SIPA1L1: variants seen among roughly 807,000 people sequenced by gnomAD.
SIPA1L1 encodes the protein signal induced proliferation associated 1 like 1, also known as signal-induced proliferation-associated 1-like protein 1.
In SIPA1L1, 26 loss-of-function variants were observed where a neutral mutation model predicts 162.7. The observed-to-expected ratio is 0.16, with a 90% confidence interval of 0.12 to 0.22. The LOEUF (loss-of-function observed/expected upper bound fraction) is 0.22, where lower values mean the gene tolerates loss of function less well. Among genes scored for constraint, SIPA1L1 ranks in the 10% least tolerant of loss-of-function variants. The pLI, the probability that SIPA1L1 is intolerant of heterozygous loss-of-function variation, is 1.00. For missense variants in SIPA1L1, 1,874 were observed against 2,241.0 expected (o/e 0.84, Z 3.31); for synonymous variants, 829 against 837.4 (o/e 0.99, Z 0.17).
intron 17 of SIPA1L1, among the ~76,000 whole-genome samples, chr14:71,710,069 T>G (rs2082747687): frequency 6.6e-6 from 1 of 152,184 alleles, no homozygotes; most frequent in Non-Finnish European, 1.5e-5. Flanking sequence ...CTTTTCTGAG[T>G]AACAGAGCAT....
At chr14:71,655,321 G>T (rs200679326) in intron 8 of SIPA1L1, among the ~76,000 whole-genome samples, 1 of 152,148 alleles carries the variant, frequency 6.6e-6, no homozygotes, top group Admixed American at 6.5e-5. Context: ...TTATGGCTGC[G>T]TACCATTCCA....
At chr14:71,381,418 A>G (rs192970553) in intron 2 of SIPA1L1, among the ~76,000 whole-genome samples, 13 of 152,324 alleles carry the variant, frequency 8.5e-5, no homozygotes, top group Admixed American at 8.5e-4. Flanking sequence ...TATATTTGAA[A>G]GAAGCTAGAT....
intron 2 of SIPA1L1, among the ~76,000 whole-genome samples, chr14:71,444,526 G>C (rs2045194268): frequency 6.6e-6 from 1 of 152,174 alleles, no homozygotes; most frequent in Non-Finnish European, 1.5e-5. Flanking sequence ...CAATGCCTGA[G>C]ACCATTTCCT....
chr14:71,656,935 C>T (rs117793384), intron 8 of SIPA1L1, among the ~76,000 whole-genome samples: 210 of 152,352 alleles, frequency 1.4e-3, no homozygotes, highest in Non-Finnish European at 2.5e-3. Flanking sequence ...CTTAATTTAG[C>T]TCCACAGCTG....
chr14:71,488,383 T>C (rs764047357), intron 2 of SIPA1L1, among the ~76,000 whole-genome samples: 2 of 152,224 alleles, frequency 1.3e-5, no homozygotes, highest in Non-Finnish European at 2.9e-5. Context: ...AATTTCACTC[T>C]GTCCTGGAAG....
chr14:71,474,904 T>C (rs1166114857), intron 2 of SIPA1L1, among the ~76,000 whole-genome samples: 2 of 152,236 alleles, frequency 1.3e-5, no homozygotes, highest in East Asian at 3.9e-4. Context: ...AATGAATGAG[T>C]TTTCTTAAGA....
intron 7 of SIPA1L1, among the ~76,000 whole-genome samples, chr14:71,627,837 T>G (rs2040187478): frequency 6.6e-6 from 1 of 152,244 alleles, no homozygotes; most frequent in Non-Finnish European, 1.5e-5. Context: ...TAAATTTGCA[T>G]AATACAGCTC....
rs570368064 is a variant in SIPA1L1 at position 71,542,311 on chromosome 14, CTCCTCTTCCTCCTCT to C, written c.-303+12956_-303+12970del. Among the ~76,000 whole-genome samples the C allele has an allele frequency of 6.0e-3, 893 of 149,962 alleles. 9 individuals are homozygous for C. Among genetic ancestry groups the C allele is most frequent in the African/African-American group, 0.02 (829 of 40,746 alleles). ...TCTTCCTCTTCTCCTCTTCCTCCTC[CTCCTCTTCCTCCTCT>C]TCCTCTTCCTCCTCCTCCTTCTTTC... On this transcript the variant is annotated intron_variant, in intron 4 of 23. Coordinates refer to ENST00000381232, the MANE Select transcript of SIPA1L1 (RefSeq NM_001386936.1).
intron 2 of SIPA1L1, among the ~76,000 whole-genome samples, chr14:71,507,838 A>G (rs1011119658): frequency 1.3e-5 from 2 of 152,160 alleles, no homozygotes; most frequent in Non-Finnish European, 2.9e-5. Flanking sequence ...TACCAGCCAG[A>G]GGTCTGTGTT....
intron 2 of SIPA1L1, among the ~76,000 whole-genome samples, chr14:71,473,329 C>A (rs867982421): frequency 1.2e-4 from 18 of 151,844 alleles, no homozygotes; most frequent in Non-Finnish European, 2.5e-4. Context: ...TACTTTTAAT[C>A]TTCATAATCA....
rs558261741 is a variant in SIPA1L1, at chr14:71,367,444, C to G, written c.-465+46263C>G. Reference sequence around the variant, plus strand: ...GCCTCAGCCTCTCTAGTAGCTGGGACTACAGGCGCCCGCCACCGCGCCCGG... The same window carrying G: ...GCCTCAGCCTCTCTAGTAGCTGGGAGTACAGGCGCCCGCCACCGCGCCCGG... On this transcript the variant is annotated intron_variant, in intron 2 of 23. Transcript: ENST00000381232. Among the ~76,000 whole-genome samples, 15 of 149,926 alleles carry G rather than the reference C, an allele frequency of 1.0e-4. No individual in the cohort carries two copies. The East Asian group carries it at 3.0e-3, about 30-fold the overall frequency.
intron 3 of SIPA1L1, among the ~76,000 whole-genome samples, chr14:71,521,392 TA>T (rs903117968): frequency 2.6e-5 from 4 of 152,174 alleles, no homozygotes; most frequent in African/African-American, 9.6e-5. Context: ...GCAGTGGTAA[TA>T]AACTAGGCCT....
At chr14:71,370,996 AATGAATTTAATAAT>A (rs1385896553) in intron 2 of SIPA1L1, among the ~76,000 whole-genome samples, 6 of 152,300 alleles carry the variant, frequency 3.9e-5, no homozygotes, top group South Asian at 2.1e-4. Context: ...GCAAATACTA[AATGAATTTAATAAT>A]AAGAGTGGTA....
intron 4 of SIPA1L1, among the ~76,000 whole-genome samples, chr14:71,544,794 G>T (rs1219400945): frequency 6.6e-6 from 1 of 151,988 alleles, no homozygotes; most frequent in Non-Finnish European, 1.5e-5. Context: ...TGTTCCACTG[G>T]TCTCTTTGTT....
chr14:71,499,303 A>G (rs2050018785), intron 2 of SIPA1L1, among the ~76,000 whole-genome samples: 1 of 152,174 alleles, frequency 6.6e-6, no homozygotes, highest in Non-Finnish European at 1.5e-5. Flanking sequence ...TGATCGTGTC[A>G]CTGCATTCCA....
intron 7 of SIPA1L1, among the ~76,000 whole-genome samples, chr14:71,637,917 A>G (rs952624885): frequency 1.3e-5 from 2 of 152,196 alleles, no homozygotes; most frequent in Non-Finnish European, 2.9e-5. Flanking sequence ...AATAGCAACA[A>G]TGTATTAAAG....
chr14:71,549,873 A>G (rs2055628362), intron 4 of SIPA1L1, among the ~76,000 whole-genome samples: 1 of 152,088 alleles, frequency 6.6e-6, no homozygotes, highest in Non-Finnish European at 1.5e-5. Context: ...TAATTAGAAA[A>G]GTGGGGAAGT....
chr14:71,712,373 T>C (rs1376560140), intron 17 of SIPA1L1, among the ~76,000 whole-genome samples: 1 of 152,202 alleles, frequency 6.6e-6, no homozygotes, highest in Non-Finnish European at 1.5e-5. Context: ...ACTGGTAACT[T>C]TCTATAACTA....
chr14:71,531,379 ACTCCTAAGAACTGG>A (rs1293786983), intron 4 of SIPA1L1, among the ~76,000 whole-genome samples: 1 of 150,064 alleles, frequency 6.7e-6, no homozygotes, highest in Non-Finnish European at 1.5e-5. Flanking sequence ...AGAGGGGTCT[ACTCCTAAGAACTGG>A]CTGTCAGGTT....
Sources: allele counts gnomAD v4.1 joint callset (sites outside exome capture counted in the v4.1 genomes callset), GRCh38; gene constraint gnomAD v4.1.1; transcripts MANE v1.5; gene names NCBI Gene and HGNC (gene_info 2026-07-23, HGNC 2026-07-21).